OR7E24: variants seen among roughly 807,000 people sequenced by gnomAD.
The protein encoded by OR7E24 is olfactory receptor family 7 subfamily E member 24.
For missense variants in OR7E24, 385 were observed against 410.3 expected (o/e 0.94, Z 0.53); for synonymous variants, 130 against 157.5 (o/e 0.83, Z 1.31).
chr19:9,243,459 G>T (rs1165926044), upstream of OR7E24, among the ~76,000 whole-genome samples: 1 of 151,174 alleles, frequency 6.6e-6, no homozygotes, highest in African/African-American at 2.4e-5. Context: ...CTCCCAAGTA[G>T]CTGGGACTAC....
At chr19:9,240,890 T>C in the OR7E24 span, among the ~76,000 whole-genome samples, 2 of 152,000 alleles carry the variant, frequency 1.3e-5, no homozygotes, top group South Asian at 4.2e-4. Flanking sequence ...TGATCTCGGC[T>C]CTCTGCAACC....
At chr19:9,235,632 G>A in the OR7E24 span, 11 of 1,583,094 alleles carry the variant, frequency 6.9e-6, no homozygotes, top group African/African-American at 2.8e-5. Flanking sequence ...TTCTACTGAT[G>A]AAGAGGCTGA....
chr19:9,239,892 A>G, the OR7E24 span, among the ~76,000 whole-genome samples: 1 of 151,780 alleles, frequency 6.6e-6, no homozygotes, highest in African/African-American at 2.4e-5. Context: ...TATTTTTAAT[A>G]GAGATGGGGT....
the OR7E24 span, chr19:9,207,210 G>A: frequency 5.3e-5 from 8 of 152,240 alleles, no homozygotes; most frequent in Admixed American, 2.6e-4. Flanking sequence ...ACTCTTGTGC[G>A]TACTGAAAGG....
Position 9,252,226 on chromosome 19 carries a change from TTCATCATACACA to T in OR7E24, c.*168_*179del. 1 of 603,568 alleles carries T rather than the reference TTCATCATACACA, an allele frequency of 1.7e-6. No individual in the cohort carries two copies. 37.4% of individuals were successfully genotyped at this position (603,568 alleles called of 1,614,324 possible). ...TGGGTGAGTATTCTGGTATCCTTTG[TTCATCATACACA>T]TCATGAATGATTCCAATATACCTAG... On this transcript the variant is annotated 3_prime_UTR_variant, in exon 1 of 1. Transcript: ENST00000456448.
chr19:9,230,630 G>A, the OR7E24 span, among the ~76,000 whole-genome samples: 1 of 152,122 alleles, frequency 6.6e-6, no homozygotes, highest in African/African-American at 2.4e-5. Context: ...TTTCTAATAT[G>A]ATTGGATTTT....
At chr19:9,219,247 G>A in the OR7E24 span, 1 of 152,292 alleles carries the variant, frequency 6.6e-6, no homozygotes, top group East Asian at 1.9e-4. Flanking sequence ...TAAGTAACTG[G>A]ATGTACGAAA....
chr19:9,223,731 CTTCT>C, the OR7E24 span, among the ~76,000 whole-genome samples: 5 of 133,732 alleles, frequency 3.7e-5, no homozygotes, highest in African/African-American at 1.7e-4. Context: ...GCATTTTTCT[CTTCT>C]TTTTTTTTTT....
the OR7E24 span, among the ~76,000 whole-genome samples, chr19:9,218,446 A>G: frequency 6.6e-6 from 1 of 152,346 alleles, no homozygotes; most frequent in South Asian, 2.1e-4. Flanking sequence ...ATTATCAACC[A>G]GGGCAGATCC....
chr19:9,251,000 C>A lies in OR7E24; in HGVS notation c.-44C>A. 1 of 1,402,506 alleles carries A rather than the reference C, an allele frequency of 7.1e-7. No individual in the cohort carries two copies. Among genetic ancestry groups the A allele is most frequent in the Non-Finnish European group, 9.6e-7 (1 of 1,044,716 alleles). 86.9% of individuals were successfully genotyped at this position (1,402,506 alleles called of 1,614,324 possible). A position where few individuals can be genotyped will look rare whatever the true frequency, so the allele number is the denominator to read the frequency against. ...ATGTGAAAACTTAATTTCTTAATTG[C>A]TTGTATCCAAAATATAGACACAGTG... On this transcript the variant is annotated 5_prime_UTR_variant, in exon 1 of 1. Coordinates refer to ENST00000456448, the MANE Select transcript of OR7E24 (RefSeq NM_001079935.2).
chr19:9,247,534 G>A (rs1326290900), upstream of OR7E24: 6 of 398,720 alleles, frequency 1.5e-5, no homozygotes, highest in Admixed American at 8.8e-5. Context: ...GCTGAGGGAC[G>A]GTTGGGAGCC....
Position 9,251,691 on chromosome 19 carries a change from C to A in OR7E24, c.648C>A (p.Val216=), listed in dbSNP as rs2144945351. 1 of 1,613,596 alleles carries A rather than the reference C, an allele frequency of 6.2e-7. No individual in the cohort carries two copies. Among genetic ancestry groups the A allele is most frequent in the Non-Finnish European group, 8.5e-7 (1 of 1,179,696 alleles). Residue 216 remains valine (V), a synonymous_variant, in exon 1 of 1, where the codon GTC becomes GTA. Coordinates refer to ENST00000456448, the MANE Select transcript of OR7E24 (RefSeq NM_001079935.2). ...RCSDTFINEM[V]IYFMGAIFGC... Reference sequence around the variant, plus strand: ...CCGACACCTTCATCAATGAAATGGTCATATATTTCATGGGTGCCATATTTG... The same window carrying A: ...CCGACACCTTCATCAATGAAATGGTAATATATTTCATGGGTGCCATATTTG...
In OR7E24 at chr19:9,252,002, G is replaced by A. The variant is rs201442314; in HGVS notation, c.959G>A (p.Cys320Tyr). 19 of 1,614,134 alleles carry A rather than the reference G, an allele frequency of 1.2e-5. No homozygotes were observed. The African/African-American group carries it at 1.7e-4, about 15-fold the overall frequency. The stretch of plus-strand genomic sequence containing the variant: ...AACAAGGACATTCAAAGTGCCCTGT[G>A]CAGGCTGCATGGCAGAATCATCAAA... ...LRNKDIQSALCRLHGRIIKSH... is the reference protein window; with the variant it reads ...LRNKDIQSALYRLHGRIIKSH... The change falls in exon 1 of 1, where the codon TGC (cysteine) becomes TAC (tyrosine). Residue 320 changes from cysteine to tyrosine, a missense_variant. Coordinates refer to ENST00000456448, the MANE Select transcript of OR7E24 (RefSeq NM_001079935.2).
chr19:9,243,279 T>G (rs1179313509), upstream of OR7E24, among the ~76,000 whole-genome samples: 1 of 151,546 alleles, frequency 6.6e-6, no homozygotes. Context: ...AGCTGAGGGA[T>G]CCACTTTCCC....
At chr19:9,250,542 A>C (rs188173703), upstream of OR7E24, among the ~76,000 whole-genome samples, 15 of 152,360 alleles carry the variant, frequency 9.8e-5, no homozygotes, top group Admixed American at 6.5e-4. Context: ...GAAACCGTAG[A>C]ATATAACTGG....
chr19:9,215,748 T>C, the OR7E24 span, among the ~76,000 whole-genome samples: 1 of 152,232 alleles, frequency 6.6e-6, no homozygotes, highest in African/African-American at 2.4e-5. Flanking sequence ...ATTAATCTTT[T>C]CCTTTTATGA....
chr19:9,221,456 T>A, the OR7E24 span, among the ~76,000 whole-genome samples: 1 of 137,362 alleles, frequency 7.3e-6, no homozygotes, highest in African/African-American at 2.7e-5. Flanking sequence ...GTTTACGCCA[T>A]TCTCCTGCCT....
the OR7E24 span, among the ~76,000 whole-genome samples, chr19:9,215,061 T>C: frequency 1.2e-4 from 18 of 152,134 alleles, no homozygotes; most frequent in African/African-American, 4.1e-4. Flanking sequence ...ATCTCTCTCT[T>C]TGGCCGGGCA....
At chr19:9,225,134 G>A in the OR7E24 span, among the ~76,000 whole-genome samples, 1 of 152,080 alleles carries the variant, frequency 6.6e-6, no homozygotes, top group Non-Finnish European at 1.5e-5. Context: ...CAGCACATTG[G>A]GAGACTGAGG....
Sources: gnomAD v4.1 joint callset for allele counts (sites outside exome capture counted in the v4.1 genomes callset) on GRCh38, gnomAD v4.1.1 for gene constraint, MANE v1.5 for transcripts, NCBI Gene and HGNC (gene_info 2026-07-23, HGNC 2026-07-21) for gene names.